The following MGMT variants were observed in gnomAD, a reference collection of about 807,000 sequenced individuals.
MGMT encodes methylated-DNA--protein-cysteine methyltransferase.
MGMT carries 14 observed loss-of-function variants against 15.9 expected under a neutral mutation model. The ratio of observed to expected loss-of-function variants is 0.88; its 90% confidence interval spans 0.58 to 1.37. The LOEUF (loss-of-function observed/expected upper bound fraction) is 1.37. Among genes scored for constraint, MGMT ranks in the 40% most tolerant of loss-of-function variants. The probability of loss-of-function intolerance (pLI) is 0.00; values close to 1 mark genes in which losing one functional copy is unlikely to be tolerated. For missense variants in MGMT, 282 were observed against 268.1 expected, an observed-to-expected ratio of 1.05 and a Z score of -0.36; for synonymous variants, 130 against 118.2, an observed-to-expected ratio of 1.10 and a Z score of -0.65.
intron 2 of MGMT, among the ~76,000 whole-genome samples, chr10:129,655,699 A>G (rs905465635): frequency 6.6e-6 from 1 of 152,198 alleles, no homozygotes; most frequent in Non-Finnish European, 1.5e-5. Flanking sequence ...CAGTGAAGGC[A>G]GGAAGGGAGC....
chr10:129,595,100 A>T (rs759243022), intron 2 of MGMT, among the ~76,000 whole-genome samples: 4 of 152,090 alleles, frequency 2.6e-5, no homozygotes, highest in Non-Finnish European at 5.9e-5. Flanking sequence ...AGTTCATTCC[A>T]TGTGTCATAT....
chr10:129,727,412 T>G (rs1848446499), intron 3 of MGMT, among the ~76,000 whole-genome samples: 1 of 152,060 alleles, frequency 6.6e-6, no homozygotes, highest in Non-Finnish European at 1.5e-5. Context: ...TTCGGATGAG[T>G]GCAGCTATGC....
chr10:129,585,965 G>A (rs1361223633), intron 2 of MGMT, among the ~76,000 whole-genome samples: 1 of 152,138 alleles, frequency 6.6e-6, no homozygotes, highest in Non-Finnish European at 1.5e-5. Context: ...GACCTTGATA[G>A]TCTATCTGAT....
chr10:129,569,396 G>T (rs547601248), intron 2 of MGMT, among the ~76,000 whole-genome samples: 2 of 152,120 alleles, frequency 1.3e-5, no homozygotes, highest in Non-Finnish European at 2.9e-5. Flanking sequence ...CCTTGTCCTC[G>T]GGTTAGCTGC....
intron 1 of MGMT, among the ~76,000 whole-genome samples, chr10:129,518,489 T>G (rs1168577368): frequency 7.8e-5 from 1 of 12,884 alleles, no homozygotes; most frequent in Non-Finnish European, 1.4e-4. Context: ...CTCCCCTCCC[T>G]TCCCCCTGCC....
chr10:129,492,047 G>A (rs753565274), intron 1 of MGMT, among the ~76,000 whole-genome samples: 15 of 152,044 alleles, frequency 9.9e-5, no homozygotes, highest in South Asian at 6.2e-4. Context: ...ATAAAGGACT[G>A]TAAAACCTCT....
At chr10:129,658,327 CAG>C (rs1371986070) in intron 2 of MGMT, among the ~76,000 whole-genome samples, 1 of 152,180 alleles carries the variant, frequency 6.6e-6, no homozygotes, top group East Asian at 1.9e-4. Flanking sequence ...CACCTTAAAA[CAG>C]ACACAGGGAT....
chr10:129,705,137 C>T (rs568884175), intron 2 of MGMT, among the ~76,000 whole-genome samples: 10 of 152,216 alleles, frequency 6.6e-5, no homozygotes, highest in South Asian at 4.1e-4. Flanking sequence ...ATGTCGCAGA[C>T]GCAGGCCCAT....
intron 1 of MGMT, among the ~76,000 whole-genome samples, chr10:129,468,508 C>T (rs528703180): frequency 6.6e-6 from 1 of 152,076 alleles, no homozygotes; most frequent in East Asian, 1.9e-4. Flanking sequence ...GTAGTGTCTG[C>T]CACAGTCAGG....
chr10:129,467,741 A>G (rs1476996902), intron 1 of MGMT, among the ~76,000 whole-genome samples: 2 of 152,206 alleles, frequency 1.3e-5, no homozygotes, highest in Non-Finnish European at 2.9e-5. Flanking sequence ...GCTGGAGGCC[A>G]AGTTCTAGGG....
Position 129,759,183 on chromosome 10 carries a change from C to T in MGMT, c.275-19C>T. Reference sequence around the variant, plus strand: ...AAGCCGTTTGTCCAAATAACATTATCCTGCATTCTTCCTTTCAGAGTCGTT... The same window carrying T: ...AAGCCGTTTGTCCAAATAACATTATTCTGCATTCTTCCTTTCAGAGTCGTT... On this transcript the variant is annotated intron_variant, in intron 3 of 4. Transcript: ENST00000651593. 6.2e-7 allele frequency: 1 copy of T among 1,614,040 alleles called. No homozygotes were observed. The highest frequency in any genetic ancestry group is 1.1e-5 in the South Asian group (1 of 91,052).
intron 1 of MGMT, among the ~76,000 whole-genome samples, chr10:129,534,744 G>C (rs1238210461): frequency 1.3e-5 from 2 of 151,794 alleles, no homozygotes; most frequent in Non-Finnish European, 2.9e-5. Context: ...CTTCAGTGAA[G>C]GCGCAGAGAT....
At chr10:129,549,108 C>T (rs563861211) in intron 2 of MGMT, among the ~76,000 whole-genome samples, 9 of 152,184 alleles carry the variant, frequency 5.9e-5, no homozygotes, top group Non-Finnish European at 1.3e-4. Flanking sequence ...GACATCAGTG[C>T]CTGTCTCCTT....
At chr10:129,647,708 C>T (rs1019932092) in intron 2 of MGMT, among the ~76,000 whole-genome samples, 6 of 152,194 alleles carry the variant, frequency 3.9e-5, no homozygotes, top group African/African-American at 1.4e-4. Flanking sequence ...TAAATAGCGG[C>T]AACAGAAATA....
chr10:129,539,623 C>T (rs1443268909), intron 2 of MGMT, among the ~76,000 whole-genome samples: 2 of 152,040 alleles, frequency 1.3e-5, no homozygotes, highest in Non-Finnish European at 2.9e-5. Context: ...TCTCCTGCCT[C>T]AGCCTCCCGA....
chr10:129,710,149 G>A (rs1848214503), intron 3 of MGMT, among the ~76,000 whole-genome samples: 2 of 152,236 alleles, frequency 1.3e-5, no homozygotes, highest in South Asian at 2.1e-4. Flanking sequence ...CTGCTTCCTG[G>A]GCTGGCAGGT....
At chr10:129,679,990 T>A (rs1489613753) in intron 2 of MGMT, among the ~76,000 whole-genome samples, 2 of 152,206 alleles carry the variant, frequency 1.3e-5, no homozygotes, top group Non-Finnish European at 2.9e-5. Flanking sequence ...AATCCCATAG[T>A]TTAAGTGTAG....
intron 2 of MGMT, among the ~76,000 whole-genome samples, chr10:129,561,678 A>G (rs1356480705): frequency 6.6e-6 from 1 of 152,190 alleles, no homozygotes; most frequent in African/African-American, 2.4e-5. Context: ...ACCGAGACAC[A>G]GTTTATTGGA....
At chr10:129,695,975 G>C (rs1301468802) in intron 2 of MGMT, among the ~76,000 whole-genome samples, 1 of 152,174 alleles carries the variant, frequency 6.6e-6, no homozygotes, top group Non-Finnish European at 1.5e-5. Flanking sequence ...CCATTTCCCA[G>C]GAGTGGCTTT....
Sources: gnomAD v4.1 joint callset for allele counts (sites outside exome capture counted in the v4.1 genomes callset) on GRCh38, gnomAD v4.1.1 for gene constraint, MANE v1.5 for transcripts, NCBI Gene and HGNC (gene_info 2026-07-23, HGNC 2026-07-21) for gene names.